GFRA1: variants seen among roughly 807,000 people sequenced by gnomAD.
GFRA1 encodes the protein GDNF family receptor alpha 1.
In GFRA1, 16 loss-of-function variants were observed where a neutral mutation model predicts 51.6. The observed-to-expected ratio is 0.31, with a 90% CI of 0.21 to 0.47. GFRA1 has a LOEUF of 0.47. GFRA1 is among the 20% of genes least tolerant of loss of function. The pLI, the probability that GFRA1 is intolerant of heterozygous loss-of-function variation, is 1.00. For synonymous variants in GFRA1, 270 were observed against 241.3 expected (o/e 1.12, Z -1.10); for missense variants, 530 against 594.3 (o/e 0.89, Z 1.13).
intron 4 of GFRA1, among the ~76,000 whole-genome samples, chr10:116,262,558 T>C (rs1314296751): frequency 2.0e-5 from 3 of 152,184 alleles, no homozygotes; most frequent in Middle Eastern, 3.2e-3. Flanking sequence ...TTTACATATA[T>C]AGGAAAAATT....
At chr10:116,144,318 T>C (rs1007205848) in intron 5 of GFRA1, among the ~76,000 whole-genome samples, 1 of 152,124 alleles carries the variant, frequency 6.6e-6, no homozygotes, top group African/African-American at 2.4e-5. Context: ...CATTCATTCA[T>C]AGTGTTTACT....
At chr10:116,099,350 C>G (rs573366671) in intron 6 of GFRA1, among the ~76,000 whole-genome samples, 1 of 152,252 alleles carries the variant, frequency 6.6e-6, no homozygotes, top group South Asian at 2.1e-4. Context: ...TTTACTGGCA[C>G]GTCTCTATTT....
chr10:116,102,088 G>A (rs755820252), intron 6 of GFRA1, among the ~76,000 whole-genome samples: 112 of 152,332 alleles, frequency 7.4e-4, no homozygotes, highest in Non-Finnish European at 1.1e-3. Context: ...ATACAAGACA[G>A]CTGAGGGCCA....
intron 4 of GFRA1, among the ~76,000 whole-genome samples, chr10:116,239,631 T>C (rs1274549910): frequency 1.3e-5 from 2 of 152,226 alleles, no homozygotes; most frequent in African/African-American, 2.4e-5. Flanking sequence ...ACTAATTTTG[T>C]CTGTCATACA....
intron 7 of GFRA1, among the ~76,000 whole-genome samples, chr10:116,096,443 C>A (rs1239692233): frequency 6.6e-6 from 1 of 152,156 alleles, no homozygotes; most frequent in East Asian, 1.9e-4. Flanking sequence ...CCGCTTCCTG[C>A]CTCTGCCTTT....
chr10:116,224,167 G>A (rs1275637090), intron 4 of GFRA1, among the ~76,000 whole-genome samples: 3 of 152,192 alleles, frequency 2.0e-5, no homozygotes, highest in African/African-American at 7.2e-5. Context: ...AACAAAGAGA[G>A]ATGGCTATAC....
chr10:116,219,870 C>G (rs1965805341), intron 4 of GFRA1, among the ~76,000 whole-genome samples: 1 of 152,156 alleles, frequency 6.6e-6, no homozygotes, highest in Admixed American at 6.6e-5. Context: ...TAAAAAGTCT[C>G]CAAACACAGT....
intron 4 of GFRA1, among the ~76,000 whole-genome samples, chr10:116,262,839 G>A (rs1049532761): frequency 2.6e-5 from 4 of 152,170 alleles, no homozygotes; most frequent in African/African-American, 4.8e-5. Context: ...AATTCTTGCC[G>A]CTATGAGGGG....
chr10:116,259,165 G>T (rs528729982), intron 4 of GFRA1, among the ~76,000 whole-genome samples: 2 of 152,230 alleles, frequency 1.3e-5, no homozygotes, highest in East Asian at 1.9e-4. Context: ...ATTATTAACT[G>T]TACACAAAAC....
chr10:116,118,574 GA>G (rs142545624), intron 6 of GFRA1, among the ~76,000 whole-genome samples: 6,493 of 152,158 alleles, frequency 0.043, 465 homozygotes, highest in African/African-American at 0.15. Context: ...TGGCTCCTGA[GA>G]CCCTCTGCTG....
intron 6 of GFRA1, among the ~76,000 whole-genome samples, chr10:116,109,607 G>A (rs1167825326): frequency 6.6e-6 from 1 of 152,152 alleles, no homozygotes; most frequent in Non-Finnish European, 1.5e-5. Context: ...AAGTCAAGAA[G>A]TGAGGACACA....
chr10:116,142,512 G>A (rs7087674), intron 5 of GFRA1, among the ~76,000 whole-genome samples: 28,715 of 152,018 alleles, frequency 0.19, 2,761 homozygotes, highest in Admixed American at 0.22. Context: ...TCAGCGTTTC[G>A]GTTAGCCAGT....
intron 5 of GFRA1, among the ~76,000 whole-genome samples, chr10:116,167,287 G>A (rs1319532886): frequency 2.6e-5 from 4 of 152,070 alleles, no homozygotes; most frequent in Non-Finnish European, 5.9e-5. Flanking sequence ...CATCGCCAAT[G>A]ATTTAAATCC....
At chr10:116,145,159 A>AAAAAAAAAAAAAAG (rs1958744591) in intron 5 of GFRA1, among the ~76,000 whole-genome samples, 1 of 149,466 alleles carries the variant, frequency 6.7e-6, no homozygotes, top group African/African-American at 2.4e-5. Flanking sequence ...AAAAAAAAAA[A>AAAAAAAAAAAAAAG]AAAAAAAAAA....
intron 5 of GFRA1, among the ~76,000 whole-genome samples, chr10:116,174,331 C>A (rs1250518230): frequency 1.3e-5 from 2 of 152,258 alleles, no homozygotes; most frequent in East Asian, 3.9e-4. Flanking sequence ...ATCTAACAGA[C>A]AAAATGAGCT....
In GFRA1 at chr10:116,058,270, A is replaced by AG. The variant is rs890387838; in HGVS notation, c.*6127dup. On this transcript the variant is annotated 3_prime_UTR_variant, in exon 11 of 11. Coordinates refer to ENST00000355422, the MANE Select transcript of GFRA1 (RefSeq NM_005264.8). ...GATCTGTGTTATGCTTGCAGGTGTC[A>AG]GGGGTCAATGTGCACATTCGAAGTT... 2 of 152,220 alleles carry AG rather than the reference A, an allele frequency of 1.3e-5. No homozygotes were observed. The highest frequency in any genetic ancestry group is 2.9e-5 in the Non-Finnish European group (2 of 68,102). The allele number at this position is 152,220 out of a possible 1,614,324, so 9.4% of individuals were successfully genotyped here.
At chr10:116,149,199 A>G (rs1958960779) in intron 5 of GFRA1, among the ~76,000 whole-genome samples, 1 of 152,228 alleles carries the variant, frequency 6.6e-6, no homozygotes, top group Non-Finnish European at 1.5e-5. Flanking sequence ...GGGTATAACA[A>G]TGAAGTCATT....
At chr10:116,130,774 A>T (rs1327116443) in intron 5 of GFRA1, among the ~76,000 whole-genome samples, 1 of 152,156 alleles carries the variant, frequency 6.6e-6, no homozygotes, top group Non-Finnish European at 1.5e-5. Flanking sequence ...ATACACAAAA[A>T]CTAATGTAAT....
intron 4 of GFRA1, among the ~76,000 whole-genome samples, chr10:116,262,509 AT>A (rs769913852): frequency 7.6e-5 from 10 of 132,180 alleles, no homozygotes; most frequent in South Asian, 2.3e-4. Flanking sequence ...GTAAAAAAAA[AT>A]ATATGTATAC....
Sources: gnomAD v4.1 joint callset for allele counts (sites outside exome capture counted in the v4.1 genomes callset) on GRCh38, gnomAD v4.1.1 for gene constraint, MANE v1.5 for transcripts, NCBI Gene and HGNC (gene_info 2026-07-23, HGNC 2026-07-21) for gene names.